The following HMGCLL1 variants were observed in gnomAD, a reference collection of about 807,000 sequenced individuals.
HMGCLL1 encodes the protein 3-hydroxymethyl-3-methylglutaryl-CoA lyase, cytoplasmic.
HMGCLL1 carries 36 observed loss-of-function variants against 39.1 expected under a neutral mutation model. The observed-to-expected ratio is 0.92, with a 90% CI of 0.71 to 1.22. HMGCLL1 has a LOEUF of 1.22. HMGCLL1 is among the 50% of genes most tolerant of loss of function. HMGCLL1 has a pLI of 0.00. For synonymous variants in HMGCLL1, 149 were observed against 144.0 expected (o/e 1.03, Z -0.25); for missense variants, 451 against 416.5 (o/e 1.08, Z -0.72).
intron 7 of HMGCLL1, among the ~76,000 whole-genome samples, chr6:55,480,311 A>C (rs1765672923): frequency 6.6e-6 from 1 of 151,632 alleles, no homozygotes; most frequent in Non-Finnish European, 1.5e-5. Context: ...AAATGGAAAA[A>C]AGATCTGAAA....
intron 7 of HMGCLL1, among the ~76,000 whole-genome samples, chr6:55,491,256 A>G (rs1244068727): frequency 1.3e-5 from 2 of 152,330 alleles, no homozygotes; most frequent in Non-Finnish European, 2.9e-5. Flanking sequence ...GCTTTTAAAC[A>G]TGGTTTATTA....
the HMGCLL1 span, among the ~76,000 whole-genome samples, chr6:55,636,176 C>T: frequency 1.6e-4 from 25 of 151,920 alleles, no homozygotes; most frequent in African/African-American, 6.0e-4. Context: ...AAAGTAGAGA[C>T]CACCTCAAAA....
chr6:55,466,923 T>C (rs1397800688), intron 7 of HMGCLL1, among the ~76,000 whole-genome samples: 1 of 152,078 alleles, frequency 6.6e-6, no homozygotes, highest in Non-Finnish European at 1.5e-5. Context: ...AGTGAGGCCT[T>C]TGAAGTTTTG....
chr6:55,539,700 G>A (rs962545920), intron 3 of HMGCLL1, among the ~76,000 whole-genome samples: 3 of 151,316 alleles, frequency 2.0e-5, no homozygotes, highest in Non-Finnish European at 2.9e-5. Context: ...GGAGCGTATG[G>A]AAGAGTTGAG....
the HMGCLL1 span, among the ~76,000 whole-genome samples, chr6:55,648,799 T>C: frequency 9.2e-6 from 1 of 108,776 alleles, no homozygotes; most frequent in Non-Finnish European, 1.9e-5. Flanking sequence ...AAGGAGGAAC[T>C]GGTACCATTC....
chr6:55,507,288 T>A (rs574460660), intron 5 of HMGCLL1, among the ~76,000 whole-genome samples: 1 of 151,842 alleles, frequency 6.6e-6, no homozygotes, highest in African/African-American at 2.4e-5. Flanking sequence ...GGGTTTGTTA[T>A]AATACTATCG....
the HMGCLL1 span, among the ~76,000 whole-genome samples, chr6:55,629,313 A>G: frequency 2.0e-5 from 3 of 152,168 alleles, no homozygotes; most frequent in Non-Finnish European, 2.9e-5. Flanking sequence ...TGCCCTAAAG[A>G]TTTGTGAACT....
the HMGCLL1 span, among the ~76,000 whole-genome samples, chr6:55,599,732 C>A: frequency 1.3e-5 from 2 of 152,168 alleles, no homozygotes; most frequent in South Asian, 4.1e-4. Context: ...GGTTCATACA[C>A]AATTTTTCTT....
the HMGCLL1 span, among the ~76,000 whole-genome samples, chr6:55,639,951 G>A: frequency 6.6e-6 from 1 of 152,018 alleles, no homozygotes; most frequent in African/African-American, 2.4e-5. Flanking sequence ...GGTGGCATGT[G>A]CCTGTAATCC....
chr6:55,563,665 G>A (rs1308099170), intron 1 of HMGCLL1, among the ~76,000 whole-genome samples: 1 of 152,138 alleles, frequency 6.6e-6, no homozygotes, highest in South Asian at 2.1e-4. Context: ...GTTTTCACAT[G>A]TGGTTTGAAT....
At chr6:55,521,837 A>C (rs997423591) in intron 3 of HMGCLL1, among the ~76,000 whole-genome samples, 4 of 152,078 alleles carry the variant, frequency 2.6e-5, no homozygotes, top group African/African-American at 7.2e-5. Context: ...ACTTTAAATC[A>C]AAAGCTAAAA....
chr6:55,497,401 GAC>G (rs1398745329), intron 6 of HMGCLL1, among the ~76,000 whole-genome samples: 1 of 152,016 alleles, frequency 6.6e-6, no homozygotes, highest in Non-Finnish European at 1.5e-5. Context: ...AAAGCCATTT[GAC>G]ACACAATCTG....
intron 7 of HMGCLL1, among the ~76,000 whole-genome samples, chr6:55,455,409 G>A (rs9475297): frequency 0.014 from 2,098 of 152,086 alleles, 45 homozygotes; most frequent in African/African-American, 0.048. Flanking sequence ...GAAGGCACCC[G>A]AAATGGTGCA....
At chr6:55,576,588 C>T (rs1483451512) in intron 1 of HMGCLL1, among the ~76,000 whole-genome samples, 1 of 152,090 alleles carries the variant, frequency 6.6e-6, no homozygotes, top group African/African-American at 2.4e-5. Context: ...AGAGGGATTC[C>T]TGGAAAGTAA....
chr6:55,542,488 A>T (rs1256201116), intron 1 of HMGCLL1, among the ~76,000 whole-genome samples: 2 of 152,048 alleles, frequency 1.3e-5, no homozygotes, highest in Admixed American at 6.6e-5. Context: ...TCATTTAAAA[A>T]TTACATCTTG....
chr6:55,488,645 CTG>C (rs1766166112), intron 7 of HMGCLL1, among the ~76,000 whole-genome samples: 2 of 151,992 alleles, frequency 1.3e-5, no homozygotes, highest in South Asian at 4.2e-4. Flanking sequence ...GGAAAAAAAA[CTG>C]TCACTTCTAG....
chr6:55,585,057 A>G, the HMGCLL1 span, among the ~76,000 whole-genome samples: 1 of 152,092 alleles, frequency 6.6e-6, no homozygotes, highest in Non-Finnish European at 1.5e-5. Flanking sequence ...CAGAAGGATA[A>G]CAGAGTGTTT....
At chr6:55,469,938 C>T (rs1764974368) in intron 7 of HMGCLL1, among the ~76,000 whole-genome samples, 1 of 151,850 alleles carries the variant, frequency 6.6e-6, no homozygotes, top group South Asian at 2.1e-4. Flanking sequence ...ATGTTTTCCA[C>T]ATGTCCATTT....
At chr6:55,627,477 G>A in the HMGCLL1 span, among the ~76,000 whole-genome samples, 2 of 151,900 alleles carry the variant, frequency 1.3e-5, no homozygotes, top group Non-Finnish European at 2.9e-5. Context: ...ATGTGTATGG[G>A]TTCACATTGA....
Sources: gnomAD v4.1 joint callset for allele counts (sites outside exome capture counted in the v4.1 genomes callset) on GRCh38, gnomAD v4.1.1 for gene constraint, MANE v1.5 for transcripts, NCBI Gene and HGNC (gene_info 2026-07-23, HGNC 2026-07-21) for gene names.